Variants in MALRD1 observed in about 807,000 individuals in gnomAD.
The protein encoded by MALRD1 is MAM and LDL receptor class A domain containing 1.
Under a neutral mutation model 242.1 loss-of-function variants are expected in MALRD1, and 247 were observed. The ratio of observed to expected loss-of-function variants is 1.02; its 90% CI spans 0.92 to 1.13. MALRD1 has a LOEUF of 1.13. Among genes scored for constraint, MALRD1 ranks in the 50% most tolerant of loss-of-function variants. The pLI is 0.00. For synonymous variants in MALRD1, 995 were observed against 866.6 expected (o/e 1.15, Z -2.60); for missense variants, 2,989 against 2,533.1 (o/e 1.18, Z -3.86).
chr10:19,335,644 T>C (rs1033995884), intron 24 of MALRD1, among the ~76,000 whole-genome samples: 6 of 152,186 alleles, frequency 3.9e-5, no homozygotes, highest in African/African-American at 1.4e-4. Context: ...GTCTCCTTTC[T>C]TTGTTTTGTT....
In MALRD1 at chr10:19,460,864, A is replaced by G. The variant is rs138112442; in HGVS notation, c.5029+10374A>G. The stretch of plus-strand genomic sequence containing the variant: ...TAACTCATCTGAAAACGTTGGTTGA[A>G]GCACACTCTGCGCAGTCCGGGAATT... On this transcript the variant is annotated intron_variant, in intron 29 of 39. Transcript: ENST00000454679. Among the ~76,000 whole-genome samples, 301 of 152,328 alleles carry G rather than the reference A, an allele frequency of 2.0e-3. 3 individuals are homozygous for G. Among genetic ancestry groups the G allele is most frequent in the African/African-American group, 6.7e-3 (277 of 41,582 alleles).
intron 28 of MALRD1, among the ~76,000 whole-genome samples, chr10:19,437,988 T>C (rs1267706942): frequency 6.6e-6 from 1 of 152,140 alleles, no homozygotes; most frequent in Non-Finnish European, 1.5e-5. Flanking sequence ...TCTCTGCTAT[T>C]AAATATGCCT....
chr10:19,304,488 CT>C (rs1342651297), intron 21 of MALRD1, among the ~76,000 whole-genome samples: 1 of 151,596 alleles, frequency 6.6e-6, no homozygotes, highest in Admixed American at 6.6e-5. Flanking sequence ...AAATATATTC[CT>C]TAGCGCTTGC....
intron 32 of MALRD1, among the ~76,000 whole-genome samples, chr10:19,533,076 C>A (rs1233637946): frequency 6.6e-6 from 1 of 152,166 alleles, no homozygotes; most frequent in Non-Finnish European, 1.5e-5. Flanking sequence ...CCAGACCTTT[C>A]CATATAATGT....
At chr10:19,343,047 C>T (rs551507864) in intron 24 of MALRD1, among the ~76,000 whole-genome samples, 1 of 151,986 alleles carries the variant, frequency 6.6e-6, no homozygotes, top group African/African-American at 2.4e-5. Flanking sequence ...ATTATTTACC[C>T]TCAAAACTGC....
chr10:19,712,039 C>G (rs1291042624), intron 38 of MALRD1, among the ~76,000 whole-genome samples: 1 of 152,010 alleles, frequency 6.6e-6, no homozygotes, highest in Admixed American at 6.6e-5. Context: ...AGTTTCAGGT[C>G]CTTGATACTA....
intron 14 of MALRD1, among the ~76,000 whole-genome samples, chr10:19,187,876 G>T (rs538222585): frequency 6.6e-6 from 1 of 152,218 alleles, no homozygotes; most frequent in South Asian, 2.1e-4. Flanking sequence ...TGGGTTATGG[G>T]ATCTGTACTC....
intron 26 of MALRD1, among the ~76,000 whole-genome samples, chr10:19,381,713 C>T (rs1588994228): frequency 6.6e-6 from 1 of 151,340 alleles, no homozygotes; most frequent in East Asian, 1.9e-4. Context: ...GTTCCGGGCA[C>T]CTGTAATCCC....
At chr10:19,625,218 A>G (rs183153253) in intron 36 of MALRD1, among the ~76,000 whole-genome samples, 1 of 152,146 alleles carries the variant, frequency 6.6e-6, no homozygotes, top group Non-Finnish European at 1.5e-5. Context: ...ATCTGACTAG[A>G]CGGCTTATGA....
intron 14 of MALRD1, among the ~76,000 whole-genome samples, chr10:19,185,758 A>G (rs978712719): frequency 1.6e-4 from 25 of 152,142 alleles, no homozygotes; most frequent in African/African-American, 5.8e-4. Flanking sequence ...ACATAAATGC[A>G]TTAAGAGAAG....
chr10:19,263,171 C>T (rs577431405), intron 19 of MALRD1, among the ~76,000 whole-genome samples: 58 of 152,260 alleles, frequency 3.8e-4, no homozygotes, highest in Middle Eastern at 6.8e-3. Context: ...ACTGGGATTG[C>T]TGGATCATGT....
At chr10:19,608,327 T>A (rs531866279) in intron 35 of MALRD1, among the ~76,000 whole-genome samples, 15 of 152,106 alleles carry the variant, frequency 9.9e-5, no homozygotes, top group Non-Finnish European at 1.9e-4. Flanking sequence ...TAGTTACATA[T>A]TTAATAGCAA....
At chr10:19,581,914 T>A (rs1462398712) in intron 33 of MALRD1, among the ~76,000 whole-genome samples, 2 of 152,256 alleles carry the variant, frequency 1.3e-5, no homozygotes, top group Non-Finnish European at 2.9e-5. Flanking sequence ...ATTCCCATTC[T>A]AACTGGTGTG....
intron 9 of MALRD1, among the ~76,000 whole-genome samples, chr10:19,134,209 A>G (rs975962120): frequency 5.9e-5 from 9 of 152,154 alleles, no homozygotes; most frequent in African/African-American, 2.2e-4. Context: ...CTTGCTCCCC[A>G]GCACCATGCT....
intron 29 of MALRD1, among the ~76,000 whole-genome samples, chr10:19,453,806 G>A (rs1156327059): frequency 6.6e-6 from 1 of 152,012 alleles, no homozygotes; most frequent in Non-Finnish European, 1.5e-5. Flanking sequence ...AACCAGGGAG[G>A]CAGAGGTTTG....
At chr10:19,329,845 A>G (rs189638399) in intron 23 of MALRD1, among the ~76,000 whole-genome samples, 32 of 152,298 alleles carry the variant, frequency 2.1e-4, no homozygotes, top group African/African-American at 7.7e-4. Flanking sequence ...AACCAACCTT[A>G]TATGAAGCAT....
At chr10:19,191,204 A>G (rs543398194) in intron 14 of MALRD1, among the ~76,000 whole-genome samples, 2 of 152,342 alleles carry the variant, frequency 1.3e-5, no homozygotes, top group South Asian at 4.1e-4. Context: ...TCCAATAAGC[A>G]TGTGAAAAGA....
intron 9 of MALRD1, among the ~76,000 whole-genome samples, chr10:19,136,075 T>C (rs11008619): frequency 0.38 from 58,397 of 152,106 alleles, 11,538 homozygotes; most frequent in Admixed American, 0.46. Flanking sequence ...TGTCTGTTTC[T>C]GTTTGCCTGA....
intron 5 of MALRD1, among the ~76,000 whole-genome samples, chr10:19,117,583 A>G (rs1836917030): frequency 6.6e-6 from 1 of 152,080 alleles, no homozygotes; most frequent in South Asian, 2.1e-4. Context: ...CAAAAATTAC[A>G]GTTTTAATTG....
Sources: allele counts gnomAD v4.1 joint callset (sites outside exome capture counted in the v4.1 genomes callset), GRCh38; gene constraint gnomAD v4.1.1; transcripts MANE v1.5; gene names NCBI Gene and HGNC (gene_info 2026-07-23, HGNC 2026-07-21).